Variants in MAST4 observed in about 807,000 individuals in gnomAD.
MAST4 encodes microtubule associated serine/threonine kinase family member 4, also known as microtubule-associated serine/threonine-protein kinase 4.
Under a neutral mutation model 162.7 loss-of-function variants are expected in MAST4, and 89 were observed. That is an observed-to-expected ratio of 0.55 (90% CI 0.46 to 0.65). The LOEUF is 0.65. Ranked by LOEUF, MAST4 falls within the 30% of genes least tolerant of loss-of-function variation. The pLI is 0.00. For synonymous variants in MAST4, 1,479 were observed against 1,361.1 expected (o/e 1.09, Z -1.91); for missense variants, 3,153 against 3,374.0 (o/e 0.93, Z 1.62).
chr5:66,725,211 G>C (rs1751436934), intron 1 of MAST4, among the ~76,000 whole-genome samples: 1 of 151,864 alleles, frequency 6.6e-6, no homozygotes, highest in South Asian at 2.1e-4. Context: ...AAGTTTAAAA[G>C]ATGGCTTTAT....
intron 1 of MAST4, among the ~76,000 whole-genome samples, chr5:66,732,081 C>T (rs1327399284): frequency 6.6e-6 from 1 of 151,980 alleles, no homozygotes; most frequent in Non-Finnish European, 1.5e-5. Flanking sequence ...CCTGACTCAT[C>T]TCTATCCAGT....
intron 23 of MAST4, among the ~76,000 whole-genome samples, chr5:67,147,023 C>T (rs1771178917): frequency 6.6e-6 from 1 of 152,082 alleles, no homozygotes; most frequent in East Asian, 1.9e-4. Flanking sequence ...TTAGTCTCCT[C>T]AGCCTGCTCA....
Position 67,134,522 on chromosome 5 carries a change from G to A in MAST4, c.2227-1G>A. ...ATTCTAATATTGCAATTATCTTTTA[G>A]GTCTGTGGCACACCTGAATACATTG... On this transcript the variant is annotated splice_acceptor_variant, in intron 17 of 28. Coordinates refer to ENST00000403625, the MANE Select transcript of MAST4 (RefSeq NM_001164664.2). LOFTEE classifies it high-confidence loss of function. 6.2e-7 allele frequency: 1 copy of A among 1,610,264 alleles called. No homozygotes were observed. The highest frequency in any genetic ancestry group is 8.5e-7 in the Non-Finnish European group (1 of 1,178,126).
chr5:67,130,090 C>A, intron 14 of MAST4, 120 bp from the exon 15 acceptor site: 2 of 852,300 alleles, frequency 2.3e-6, no homozygotes, highest in Non-Finnish European at 3.6e-6. Flanking sequence ...CTTGTGTGAG[C>A]TACATTCCAC....
chr5:66,640,848 A>G (rs1480140538), intron 1 of MAST4, among the ~76,000 whole-genome samples: 1 of 152,084 alleles, frequency 6.6e-6, no homozygotes, highest in East Asian at 1.9e-4. Flanking sequence ...TCCATTAGCA[A>G]TGTACCAGGG....
At chr5:67,075,063 A>G (rs1290971506) in intron 5 of MAST4, among the ~76,000 whole-genome samples, 1 of 151,834 alleles carries the variant, frequency 6.6e-6, no homozygotes, top group South Asian at 2.1e-4. Flanking sequence ...GCCCCATGGT[A>G]GTGCTGGGCA....
chr5:66,628,340 C>CTT (rs34307265), intron 1 of MAST4, among the ~76,000 whole-genome samples: 1,848 of 136,184 alleles, frequency 0.014, 35 homozygotes, highest in African/African-American at 0.043. Context: ...GACTTTTTTT[C>CTT]TTTTTTTTTT....
Position 66,912,081 on chromosome 5 carries a change from T to A in MAST4, c.674+12099T>A, listed in dbSNP as rs954364645. On this transcript the variant is annotated intron_variant, in intron 4 of 28. Transcript: ENST00000403625. Reference sequence around the variant, plus strand: ...GAGAGTATCTTCTAGATTTATTTTATTTTTAGGAAATTGAGCAGGGCATTT... The same window carrying A: ...GAGAGTATCTTCTAGATTTATTTTAATTTTAGGAAATTGAGCAGGGCATTT... 2.0e-5 allele frequency among the ~76,000 whole-genome samples: 3 copies of A among 152,186 alleles called. No homozygotes were observed. In the East Asian group the frequency reaches 5.8e-4, roughly 29 times the overall value.
At chr5:66,888,868 T>A (rs902096478) in intron 3 of MAST4, among the ~76,000 whole-genome samples, 2 of 152,256 alleles carry the variant, frequency 1.3e-5, no homozygotes, top group African/African-American at 4.8e-5. Context: ...TGAGTTTTTA[T>A]TCCACATCAT....
At chr5:66,623,969 ACT>A (rs1262752857) in intron 1 of MAST4, among the ~76,000 whole-genome samples, 3 of 152,100 alleles carry the variant, frequency 2.0e-5, no homozygotes, top group Non-Finnish European at 4.4e-5. Context: ...TCAACAATAA[ACT>A]CTCTAAAAGG....
chr5:66,673,530 G>GTT (rs11376867), intron 1 of MAST4, among the ~76,000 whole-genome samples: 22 of 106,538 alleles, frequency 2.1e-4, no homozygotes, highest in South Asian at 2.8e-4. Context: ...TTTGTTTTTT[G>GTT]TTTTTTTTTT....
At chr5:66,774,273 G>T (rs917770801) in intron 2 of MAST4, among the ~76,000 whole-genome samples, 1 of 152,204 alleles carries the variant, frequency 6.6e-6, no homozygotes, top group East Asian at 1.9e-4. Context: ...TTCTGTCTTG[G>T]TCTTGGTTGC....
At chr5:66,857,933 ATC>A (rs750890365) in intron 3 of MAST4, among the ~76,000 whole-genome samples, 1 of 151,960 alleles carries the variant, frequency 6.6e-6, no homozygotes. Flanking sequence ...GTCATAAAAT[ATC>A]TTTTTTTCTA....
intron 10 of MAST4, among the ~76,000 whole-genome samples, chr5:67,106,363 C>G (rs981101095): frequency 6.6e-6 from 1 of 152,190 alleles, no homozygotes; most frequent in Non-Finnish European, 1.5e-5. Context: ...TAAAACTAGA[C>G]AGCATTTCCT....
At chr5:66,972,572 T>C (rs1747577670) in intron 4 of MAST4, among the ~76,000 whole-genome samples, 1 of 149,792 alleles carries the variant, frequency 6.7e-6, no homozygotes, top group African/African-American at 2.5e-5. Context: ...CATCATCCAC[T>C]AGGAAGTCCT....
In MAST4 at chr5:66,992,313, A is replaced by G. The variant is rs183805727; in HGVS notation, c.675-62091A>G. Among the ~76,000 whole-genome samples the G allele has an allele frequency of 1.1e-4, 16 of 152,298 alleles. 1 individual carries two copies. The highest frequency in any genetic ancestry group is 2.4e-4 in the African/African-American group (10 of 41,558). Reference sequence around the variant, plus strand: ...GAGGAAAATAAAAGAGATAGTGTCTATATCAAGAACTGATGTCCTTTTCAG... The same window carrying G: ...GAGGAAAATAAAAGAGATAGTGTCTGTATCAAGAACTGATGTCCTTTTCAG... On this transcript the variant is annotated intron_variant, in intron 4 of 28. Transcript: ENST00000403625.
chr5:66,804,924 A>T (rs777043559), intron 3 of MAST4, among the ~76,000 whole-genome samples: 4 of 152,142 alleles, frequency 2.6e-5, no homozygotes, highest in Non-Finnish European at 4.4e-5. Flanking sequence ...TGGCATCTTC[A>T]GTTTTAAGTC....
chr5:66,804,082 G>T (rs543002599), intron 3 of MAST4, among the ~76,000 whole-genome samples: 1 of 151,822 alleles, frequency 6.6e-6, no homozygotes, highest in African/African-American at 2.4e-5. Flanking sequence ...CAACATTATC[G>T]TGACAAATAT....
In MAST4 at chr5:67,145,273, C is replaced by A; in HGVS notation, c.2988C>A (p.Asp996Glu). The A allele has an allele frequency of 6.2e-7, 1 of 1,613,966 alleles. No individual in the cohort carries two copies. Among genetic ancestry groups the A allele is most frequent in the Non-Finnish European group, 8.5e-7 (1 of 1,179,880 alleles). ...ATGAAGCTGCCTCCTGCCCTGGAGACCCCCATGAGGAGCCAGGAAAGCCAG... is the reference window on the plus strand; with the variant it reads ...ATGAAGCTGCCTCCTGCCCTGGAGAACCCCATGAGGAGCCAGGAAAGCCAG... ...EQDEAASCPGDPHEEPGKPAL... is the reference protein window; with the variant it reads ...EQDEAASCPGEPHEEPGKPAL... The change falls in exon 23 of 29, where the codon GAC becomes GAA. Residue 996 changes from aspartate to glutamate, a missense_variant. Physicochemically the swap from Asp to Glu is conservative, Grantham distance 45. Transcript: ENST00000403625.
Sources: allele counts gnomAD v4.1 joint callset (sites outside exome capture counted in the v4.1 genomes callset), GRCh38; gene constraint gnomAD v4.1.1; transcripts MANE v1.5; gene names NCBI Gene and HGNC (gene_info 2026-07-23, HGNC 2026-07-21).